The following SEPTIN9 variants were observed in gnomAD, a reference collection of about 807,000 sequenced individuals.
The protein encoded by SEPTIN9 is septin 9.
In SEPTIN9, 13 loss-of-function variants were observed where a neutral mutation model predicts 56.6. That is an observed-to-expected ratio of 0.23 (90% CI 0.15 to 0.37). SEPTIN9 has a LOEUF of 0.37. Ranked by LOEUF, SEPTIN9 falls within the 10% of genes least tolerant of loss-of-function variation. The pLI is 1.00. For synonymous variants in SEPTIN9, 332 were observed against 334.1 expected, an observed-to-expected ratio of 0.99 and a Z score of 0.07; for missense variants, 650 against 823.1, an observed-to-expected ratio of 0.79 and a Z score of 2.57.
At chr17:77,484,976 A>G (rs140700699) in intron 4 of SEPTIN9, among the ~76,000 whole-genome samples, 4 of 820 alleles carry the variant, frequency 4.9e-3, no homozygotes, top group South Asian at 0.05. Flanking sequence ...GAAGGGGGTG[A>G]TGGTGGTGAT....
chr17:77,455,811 CT>C (rs1339433733), intron 3 of SEPTIN9, among the ~76,000 whole-genome samples: 1 of 152,226 alleles, frequency 6.6e-6, no homozygotes, highest in Non-Finnish European at 1.5e-5. Flanking sequence ...AGATTTTCAA[CT>C]TTTATCCAAA....
intron 1 of SEPTIN9, among the ~76,000 whole-genome samples, chr17:77,290,869 TTTATTA>T (rs943493801): frequency 2.0e-5 from 3 of 149,856 alleles, no homozygotes; most frequent in Non-Finnish European, 3.0e-5. Flanking sequence ...ACTTGCATTA[TTTATTA>T]TTATTATTAT....
In SEPTIN9 at chr17:77,466,054, TCACACACACACACACACACA is replaced by T. The variant is rs10599395; in HGVS notation, c.722-16056_722-16037del. On this transcript the variant is annotated intron_variant, in intron 3 of 11. Transcript: ENST00000427177. The stretch of plus-strand genomic sequence containing the variant: ...TATAAGTTACCATGTTTCTGGACTG[TCACACACACACACACACACA>T]CACACACACACACACACACACACAC... 1.3e-3 allele frequency among the ~76,000 whole-genome samples: 163 copies of T among 127,476 alleles called. 1 individual carries two copies. Among genetic ancestry groups the T allele is most frequent in the South Asian group, 4.5e-3 (16 of 3,574 alleles). The allele number at this position is 127,476 out of a possible 152,430, so 83.6% of individuals were successfully genotyped here.
intron 2 of SEPTIN9, among the ~76,000 whole-genome samples, chr17:77,333,654 A>C (rs1048384738): frequency 5.9e-5 from 9 of 152,158 alleles, no homozygotes; most frequent in Non-Finnish European, 8.8e-5. Flanking sequence ...ACCTTTGCCT[A>C]CCCTGCCAAA....
At position 77,327,372 on chromosome 17, in the gene SEPTIN9, G is replaced by C. The variant is rs1268512596; in HGVS notation, c.76+20175G>C. On this transcript the variant is annotated intron_variant, in intron 2 of 11. Transcript: ENST00000427177. This position sits in a 1 kb window ranked among gnomAD's most constrained non-coding sequence, Gnocchi z 5.0. ...GCCAGAGCTTCTGAAGCCGCTCGCT[G>C]TGTGCCCCCGCCTGGCCCCATGCAT... Among the ~76,000 whole-genome samples, 2 of 152,188 alleles carry C rather than the reference G, an allele frequency of 1.3e-5. No homozygotes were observed. The highest frequency in any genetic ancestry group is 2.9e-5 in the Non-Finnish European group (2 of 68,044).
At chr17:77,482,658 G>A (rs539259404) in intron 4 of SEPTIN9, 1 of 610,018 alleles carries the variant, frequency 1.6e-6, no homozygotes, top group African/African-American at 1.8e-5. Context: ...AGAGGGTTCT[G>A]TGGCAGCTGT....
At chr17:77,337,340 C>T (rs1018519645) in intron 2 of SEPTIN9, among the ~76,000 whole-genome samples, 3 of 152,114 alleles carry the variant, frequency 2.0e-5, no homozygotes, top group African/African-American at 7.2e-5. Flanking sequence ...CCTTGCATTT[C>T]TGGAAGAAGT....
intron 2 of SEPTIN9, among the ~76,000 whole-genome samples, chr17:77,368,099 GT>G (rs961462116): frequency 1.2e-3 from 183 of 152,320 alleles, no homozygotes; most frequent in African/African-American, 4.2e-3. Context: ...TTTCACTTAT[GT>G]GAAGTCAAAT....
intron 2 of SEPTIN9, chr17:77,373,619 CGGGACGG>C (rs1239026717): frequency 2.7e-5 from 41 of 1,524,310 alleles, no homozygotes; most frequent in Non-Finnish European, 3.4e-5. Flanking sequence ...GGGCCTGGCG[CGGGACGG>C]GGGTGCGCTG....
chr17:77,365,150 C>T (rs772433789), intron 2 of SEPTIN9, among the ~76,000 whole-genome samples: 9 of 152,142 alleles, frequency 5.9e-5, no homozygotes, highest in South Asian at 2.1e-4. Context: ...CAGAAAGAGC[C>T]GCCACCCACC....
chr17:77,441,474 A>G (rs149237032), intron 3 of SEPTIN9, among the ~76,000 whole-genome samples: 10 of 152,322 alleles, frequency 6.6e-5, no homozygotes, highest in African/African-American at 1.4e-4. Flanking sequence ...AAGTGCTTTT[A>G]TGTTGCTAGC....
intron 2 of SEPTIN9, among the ~76,000 whole-genome samples, chr17:77,385,138 C>G (rs1598289149): frequency 6.6e-6 from 1 of 150,694 alleles, no homozygotes; most frequent in African/African-American, 2.4e-5. Flanking sequence ...TTGAGACCAG[C>G]CTGGGCAACA....
chr17:77,374,308 G>C (rs2034836378), intron 2 of SEPTIN9: 1 of 152,500 alleles, frequency 6.6e-6, no homozygotes, highest in African/African-American at 2.4e-5. Context: ...GTTGGGACTT[G>C]CGGGGCTGCT....
chr17:77,328,810 C>T (rs2033242307), intron 2 of SEPTIN9, among the ~76,000 whole-genome samples: 2 of 152,116 alleles, frequency 1.3e-5, no homozygotes, highest in African/African-American at 4.8e-5. Context: ...ATGAGCAAAT[C>T]CATAGGTGGT....
intron 3 of SEPTIN9, among the ~76,000 whole-genome samples, chr17:77,438,036 G>A (rs749880848): frequency 1.3e-5 from 2 of 152,242 alleles, no homozygotes; most frequent in East Asian, 1.9e-4. Context: ...TTCCAGCATC[G>A]TGTGGGCCGG....
Position 77,429,455 on chromosome 17 carries a change from GTGGGGATGT to G in SEPTIN9, c.721+26756_721+26764del, listed in dbSNP as rs2037046715. ...GGAGGGACTGAGGGCTGATTGTGTTGTGGGGATGTTGGCAGAGAATCAGAGAGGGCATCC... is the reference window on the plus strand; with the variant it reads ...GGAGGGACTGAGGGCTGATTGTGTTGTGGCAGAGAATCAGAGAGGGCATCC... On this transcript the variant is annotated intron_variant, in intron 3 of 11. Transcript: ENST00000427177. This position sits in a 1 kb window ranked among gnomAD's most constrained non-coding sequence, Gnocchi z 5.2. The G allele has an allele frequency of 2.6e-6, 1 of 377,564 alleles. No individual in the cohort carries two copies. Among genetic ancestry groups the G allele is most frequent in the African/African-American group, 2.1e-5 (1 of 47,014 alleles). 23.4% of individuals were successfully genotyped at this position (377,564 alleles called of 1,614,324 possible). A position where few individuals can be genotyped will look rare whatever the true frequency, so the allele number is the denominator to read the frequency against.
At chr17:77,408,453 C>T (rs185354233) in intron 3 of SEPTIN9, among the ~76,000 whole-genome samples, 2 of 152,184 alleles carry the variant, frequency 1.3e-5, no homozygotes, top group Admixed American at 6.5e-5. Context: ...CAGGCCCCCC[C>T]GAGCTGATGA....
intron 2 of SEPTIN9, 104 bp downstream of exon 2, chr17:77,307,301 G>A (rs974210899): frequency 1.2e-5 from 13 of 1,047,486 alleles, no homozygotes; most frequent in Non-Finnish European, 1.9e-5. Flanking sequence ...GGCTTCCCTG[G>A]ATGAGTGGGG....
chr17:77,440,402 G>T (rs533868530), intron 3 of SEPTIN9, among the ~76,000 whole-genome samples: 1 of 152,176 alleles, frequency 6.6e-6, no homozygotes, highest in African/African-American at 2.4e-5. Flanking sequence ...TGATCCGCCT[G>T]CCTTCGCCTC....
Sources: gnomAD v4.1 joint callset for allele counts (sites outside exome capture counted in the v4.1 genomes callset) on GRCh38, gnomAD v4.1.1 for gene constraint, Gnocchi (gnomAD v3.1) non-coding constraint, MANE v1.5 for transcripts, NCBI Gene and HGNC (gene_info 2026-07-23, HGNC 2026-07-21) for gene names.